The following CTIF variants were observed in gnomAD, a reference collection of about 807,000 sequenced individuals.
The protein encoded by CTIF is cap binding complex dependent translation initiation factor.
CTIF carries 21 observed loss-of-function variants against 66.0 expected under a neutral mutation model. The observed-to-expected ratio is 0.32, with a 90% CI of 0.23 to 0.46. The LOEUF is 0.46. Ranked by LOEUF, CTIF falls within the 20% of genes least tolerant of loss-of-function variation. The pLI, the probability that CTIF is intolerant of heterozygous loss-of-function variation, is 1.00. For missense variants in CTIF, 739 were observed against 812.7 expected (o/e 0.91, Z 1.10); for synonymous variants, 345 against 326.4 (o/e 1.06, Z -0.62).
intron 1 of CTIF, among the ~76,000 whole-genome samples, chr18:48,549,694 C>G (rs2088837458): frequency 6.6e-6 from 1 of 152,164 alleles, no homozygotes; most frequent in Non-Finnish European, 1.5e-5. Context: ...GAAGCCTTTC[C>G]CAGAATTCCC....
rs2091385168 is a variant in CTIF, at chr18:48,663,676, C to T, written c.253-76C>T. 5 of 1,395,616 alleles carry T rather than the reference C, an allele frequency of 3.6e-6. No homozygotes were observed. In the East Asian group the frequency reaches 9.1e-5, roughly 25 times the overall value. The allele number at this position is 1,395,616 out of a possible 1,614,324, so 86.5% of individuals were successfully genotyped here. A position where few individuals can be genotyped will look rare whatever the true frequency, so the allele number is the denominator to read the frequency against. On this transcript the variant is annotated intron_variant, in intron 3 of 11. Transcript: ENST00000256413. ...GGGGCTCACTCCAGCCCCCCAGCCC[C>T]TCAGGCCCTGGCCCCGTGTTCTCAG...
intron 10 of CTIF, among the ~76,000 whole-genome samples, chr18:48,850,115 T>C (rs575945311): frequency 6.6e-6 from 1 of 152,302 alleles, no homozygotes; most frequent in South Asian, 2.1e-4. Context: ...AATCATACAG[T>C]GTTTGTTCTT....
intron 10 of CTIF, among the ~76,000 whole-genome samples, chr18:48,845,093 A>G (rs1475049070): frequency 6.8e-6 from 1 of 146,588 alleles, no homozygotes; most frequent in African/African-American, 2.5e-5. Flanking sequence ...TTCTTCTTCC[A>G]TAGGCAAGTT....
intron 6 of CTIF, among the ~76,000 whole-genome samples, chr18:48,686,468 C>A (rs921111074): frequency 6.6e-6 from 1 of 152,158 alleles, no homozygotes; most frequent in Non-Finnish European, 1.5e-5. Context: ...GCCCTGGTAC[C>A]TTTTAATGAA....
intron 1 of CTIF, among the ~76,000 whole-genome samples, chr18:48,572,923 G>T (rs1221118017): frequency 2.0e-5 from 3 of 152,138 alleles, no homozygotes; most frequent in South Asian, 2.1e-4. Context: ...AGCCCAGGAG[G>T]TTGAGGCTGC....
intron 7 of CTIF, among the ~76,000 whole-genome samples, chr18:48,721,515 C>T (rs751687846): frequency 1.4e-4 from 21 of 152,214 alleles, no homozygotes; most frequent in African/African-American, 2.9e-4. Flanking sequence ...CAGCCCTCCC[C>T]GGGGACAGTG....
intron 6 of CTIF, among the ~76,000 whole-genome samples, chr18:48,701,566 A>C (rs1214501108): frequency 8.2e-6 from 1 of 121,232 alleles, no homozygotes; most frequent in Non-Finnish European, 1.7e-5. Flanking sequence ...CACTCCCTTC[A>C]GTGCACTGTG....
chr18:48,768,788 C>T (rs977899071), intron 9 of CTIF, among the ~76,000 whole-genome samples: 2 of 152,056 alleles, frequency 1.3e-5, no homozygotes, highest in Non-Finnish European at 2.9e-5. Context: ...TACTGAAGCC[C>T]CAGCTACTCC....
intron 9 of CTIF, among the ~76,000 whole-genome samples, chr18:48,816,270 A>G (rs777828504): frequency 5.3e-5 from 8 of 152,218 alleles, no homozygotes; most frequent in Admixed American, 1.3e-4. Context: ...CTCCTGCCTC[A>G]TTCTATTGGC....
chr18:48,856,964 C>T (rs2069341900), intron 10 of CTIF, among the ~76,000 whole-genome samples: 1 of 152,176 alleles, frequency 6.6e-6, no homozygotes, highest in Non-Finnish European at 1.5e-5. Context: ...CCAGGCAAGT[C>T]GGGGGAAGCA....
At chr18:48,660,800 T>A (rs1179042447) in intron 3 of CTIF, among the ~76,000 whole-genome samples, 2 of 152,202 alleles carry the variant, frequency 1.3e-5, no homozygotes, top group African/African-American at 4.8e-5. Flanking sequence ...TATGTGCCCA[T>A]CTGCACTGCC....
intron 7 of CTIF, among the ~76,000 whole-genome samples, chr18:48,732,095 C>T (rs1342444869): frequency 6.6e-6 from 1 of 152,220 alleles, no homozygotes; most frequent in African/African-American, 2.4e-5. Flanking sequence ...TCCTACCTTA[C>T]AGCCGAGGAG....
chr18:48,694,504 G>A lies in CTIF; in HGVS notation c.508-17115G>A, dbSNP rs772247943. On this transcript the variant is annotated intron_variant, in intron 6 of 11. Coordinates refer to ENST00000256413, the MANE Select transcript of CTIF (RefSeq NM_014772.3). ...GCCACCGCTGTGCCCCTGAAAGTAG[G>A]TCAGATCACTGTCTGCTACAGAGCC... Among the ~76,000 whole-genome samples, 95 of 152,302 alleles carry A rather than the reference G, an allele frequency of 6.2e-4. 1 individual carries two copies. The highest frequency in any genetic ancestry group is 2.1e-3 in the African/African-American group (88 of 41,554).
chr18:48,593,527 G>A (rs1010747091), intron 1 of CTIF, among the ~76,000 whole-genome samples: 4 of 151,498 alleles, frequency 2.6e-5, no homozygotes, highest in Admixed American at 2.0e-4. Flanking sequence ...GACTACAGGC[G>A]CCTGCCACAA....
intron 7 of CTIF, among the ~76,000 whole-genome samples, chr18:48,717,209 G>T (rs530503602): frequency 1.2e-4 from 19 of 152,206 alleles, no homozygotes; most frequent in African/African-American, 4.3e-4. Context: ...AGACTAGCCT[G>T]ATCAACATGG....
At position 48,652,552 on chromosome 18, in the gene CTIF, G is replaced by A. The variant is rs2091175977; in HGVS notation, c.253-11200G>A. 2.0e-5 allele frequency among the ~76,000 whole-genome samples: 3 copies of A among 152,154 alleles called. No individual in the cohort carries two copies. In the South Asian group the frequency reaches 6.2e-4, roughly 32 times the overall value. ...AGATTCACAGCTGAATTCTACCAGA[G>A]GTACAAAGAGGAGCTGGTACCATTC... On this transcript the variant is annotated intron_variant, in intron 3 of 11. Coordinates refer to ENST00000256413, the MANE Select transcript of CTIF (RefSeq NM_014772.3).
chr18:48,578,835 A>C (rs1216256326), intron 1 of CTIF, among the ~76,000 whole-genome samples: 2 of 152,092 alleles, frequency 1.3e-5, no homozygotes, highest in Non-Finnish European at 2.9e-5. Flanking sequence ...CATATTTTTA[A>C]TTTTGGTGAA....
At chr18:48,598,398 C>G (rs9960321) in intron 1 of CTIF, among the ~76,000 whole-genome samples, 4,014 of 152,302 alleles carry the variant, frequency 0.026, 174 homozygotes, top group African/African-American at 0.091. Context: ...GCAGGCACCT[C>G]TCCGCTCTGA....
chr18:48,690,228 ACT>A (rs959621644), intron 6 of CTIF, among the ~76,000 whole-genome samples: 4 of 151,378 alleles, frequency 2.6e-5, no homozygotes, highest in African/African-American at 9.7e-5. Flanking sequence ...GCGTTTACAG[ACT>A]CTCCTTCCAT....
Sources: gnomAD v4.1 joint callset for allele counts (sites outside exome capture counted in the v4.1 genomes callset) on GRCh38, gnomAD v4.1.1 for gene constraint, MANE v1.5 for transcripts, NCBI Gene and HGNC (gene_info 2026-07-23, HGNC 2026-07-21) for gene names.